Variants in ARHGEF28 observed in about 807,000 individuals in gnomAD.
ARHGEF28 encodes 190 kDa guanine nucleotide exchange factor.
ARHGEF28 carries 152 observed loss-of-function variants against 206.6 expected under a neutral mutation model. The ratio of observed to expected loss-of-function variants is 0.74; its 90% CI spans 0.64 to 0.84. The LOEUF is 0.84. ARHGEF28 is among the 40% of genes least tolerant of loss of function. The pLI is 0.00. For synonymous variants in ARHGEF28, 763 were observed against 776.4 expected (o/e 0.98, Z 0.29); for missense variants, 2,028 against 2,073.2 (o/e 0.98, Z 0.42).
At chr5:73,682,237 C>G (rs769607455) in intron 1 of ARHGEF28, among the ~76,000 whole-genome samples, 1 of 152,156 alleles carries the variant, frequency 6.6e-6, no homozygotes, top group Non-Finnish European at 1.5e-5. Flanking sequence ...TCACTCATCT[C>G]TCAAGATGTC....
At chr5:73,686,065 G>A (rs1747447562) in intron 2 of ARHGEF28, among the ~76,000 whole-genome samples, 1 of 152,128 alleles carries the variant, frequency 6.6e-6, no homozygotes, top group Admixed American at 6.5e-5. Flanking sequence ...GGAAGACAGA[G>A]TCATAAACCA....
intron 2 of ARHGEF28, among the ~76,000 whole-genome samples, chr5:73,741,381 GTGTGTATATATATATATATA>G (rs1281568197): frequency 4.3e-3 from 113 of 26,564 alleles, no homozygotes; most frequent in African/African-American, 7.9e-3. Context: ...GTGTGTGTGT[GTGTGTATATATATATATATA>G]TATATATATA....
rs116973243 is a variant in ARHGEF28, at chr5:73,628,207, G to A, written c.-12+1885G>A. Among the ~76,000 whole-genome samples the A allele has an allele frequency of 6.5e-4, 99 of 152,200 alleles. No individual in the cohort carries two copies. In the East Asian group the frequency reaches 0.014, roughly 22 times the overall value. On this transcript the variant is annotated intron_variant, in intron 1 of 35. Coordinates refer to ENST00000513042, the MANE Select transcript of ARHGEF28 (RefSeq NM_001177693.2). ...TAAATTGGGCAGGAATTTCAGGTGA[G>A]CTCTGATACATGACCTCCTTTAGTA... is the stretch of plus-strand genomic sequence containing the variant.
At chr5:73,795,027 A>G (rs976224495) in intron 8 of ARHGEF28, among the ~76,000 whole-genome samples, 4 of 152,228 alleles carry the variant, frequency 2.6e-5, no homozygotes, top group Admixed American at 6.5e-5. Context: ...TTCTACTTGA[A>G]GTTTGATGTT....
chr5:73,648,187 C>G (rs1744561297), intron 1 of ARHGEF28, among the ~76,000 whole-genome samples: 1 of 152,090 alleles, frequency 6.6e-6, no homozygotes, highest in Non-Finnish European at 1.5e-5. Context: ...TTCAGAGATG[C>G]TTTTGGTTGA....
chr5:73,649,309 A>G (rs1352685125), intron 1 of ARHGEF28, among the ~76,000 whole-genome samples: 1 of 152,196 alleles, frequency 6.6e-6, no homozygotes, highest in Admixed American at 6.5e-5. Context: ...GAAGGGGGAC[A>G]GGAGCCCTGG....
At chr5:73,889,229 C>A (rs1183789463) in intron 26 of ARHGEF28, among the ~76,000 whole-genome samples, 1 of 152,212 alleles carries the variant, frequency 6.6e-6, no homozygotes, top group Non-Finnish European at 1.5e-5. Context: ...ACTCCTTGTG[C>A]CCTTTAGAAA....
At chr5:73,674,967 T>C (rs987744276) in intron 1 of ARHGEF28, among the ~76,000 whole-genome samples, 2 of 152,178 alleles carry the variant, frequency 1.3e-5, no homozygotes, top group East Asian at 1.9e-4. Context: ...ATATCCTTTA[T>C]AATAAACCAG....
At chr5:73,837,479 T>G (rs1288173263) in intron 10 of ARHGEF28, among the ~76,000 whole-genome samples, 1 of 152,130 alleles carries the variant, frequency 6.6e-6, no homozygotes, top group South Asian at 2.1e-4. Context: ...AATAAAATAC[T>G]TCTTGAGCCC....
At chr5:73,789,032 G>T (rs1387654918) in intron 7 of ARHGEF28, among the ~76,000 whole-genome samples, 1 of 152,062 alleles carries the variant, frequency 6.6e-6, no homozygotes, top group Non-Finnish European at 1.5e-5. Flanking sequence ...TAAGAGTAAT[G>T]AAAACATGTA....
At chr5:73,873,280 C>G in intron 22 of ARHGEF28, 34 bp downstream of exon 22, 1 of 1,566,466 alleles carries the variant, frequency 6.4e-7, no homozygotes. Context: ...ACCTTTATGA[C>G]GTAAGTGGGA....
chr5:73,769,677 G>T (rs1341516377), intron 4 of ARHGEF28, among the ~76,000 whole-genome samples: 2 of 152,204 alleles, frequency 1.3e-5, no homozygotes, highest in African/African-American at 4.8e-5. Flanking sequence ...TGGAATTGTT[G>T]TGGACTGGAT....
chr5:73,771,791 A>G (rs1753242936), intron 4 of ARHGEF28, among the ~76,000 whole-genome samples: 2 of 152,362 alleles, frequency 1.3e-5, no homozygotes, highest in South Asian at 2.1e-4. Flanking sequence ...TCAAAGGAGT[A>G]TAATGGTCAA....
intron 2 of ARHGEF28, among the ~76,000 whole-genome samples, chr5:73,745,646 C>T (rs1005522642): frequency 6.6e-6 from 1 of 152,036 alleles, no homozygotes; most frequent in Non-Finnish European, 1.5e-5. Context: ...TTCTGCTCTA[C>T]ATTTGTGATT....
In ARHGEF28 at chr5:73,826,928, C is replaced by G. The variant is rs78614534; in HGVS notation, c.1025-5410C>G. On this transcript the variant is annotated intron_variant, in intron 9 of 35. Transcript: ENST00000513042. ...AATAGGAGAGAGGAGAGCTGGGGATCCCCTTGGAGTTGCTGTTTATCCTCC... is the reference window on the plus strand; with the variant it reads ...AATAGGAGAGAGGAGAGCTGGGGATGCCCTTGGAGTTGCTGTTTATCCTCC... Among the ~76,000 whole-genome samples, 355 of 152,302 alleles carry G rather than the reference C, an allele frequency of 2.3e-3. 3 individuals carry two copies. The highest frequency in any genetic ancestry group is 8.2e-3 in the African/African-American group (341 of 41,566).
At chr5:73,808,829 CCCTTCTTCTT>C (rs1048742166) in intron 9 of ARHGEF28, among the ~76,000 whole-genome samples, 9 of 152,074 alleles carry the variant, frequency 5.9e-5, no homozygotes, top group African/African-American at 2.2e-4. Flanking sequence ...TGAGCTCCTT[CCCTTCTTCTT>C]CCTCCTTCTT....
rs182815595 is a variant in ARHGEF28, at chr5:73,793,716, G to A, written c.911-686G>A. Among the ~76,000 whole-genome samples, 145 of 152,144 alleles carry A rather than the reference G, an allele frequency of 9.5e-4. 2 individuals carry two copies. The highest frequency in any genetic ancestry group is 3.1e-3 in the African/African-American group (128 of 41,488). ...TCTTGGTGGTTATTTCGACAATAGC[G>A]GCTCTTGTTTAAGGGCAACTGAGTA... On this transcript the variant is annotated intron_variant, in intron 7 of 35. Coordinates refer to ENST00000513042, the MANE Select transcript of ARHGEF28 (RefSeq NM_001177693.2).
intron 1 of ARHGEF28, among the ~76,000 whole-genome samples, chr5:73,633,685 T>C (rs547514515): frequency 6.7e-6 from 1 of 149,072 alleles, no homozygotes; most frequent in East Asian, 2.1e-4. Flanking sequence ...CAAGCAATTC[T>C]CCCGTCTCAG....
intron 2 of ARHGEF28, 132 bp downstream of exon 2, chr5:73,685,016 C>G: frequency 1.2e-6 from 1 of 814,358 alleles, no homozygotes; most frequent in Non-Finnish European, 1.8e-6. Flanking sequence ...CTGAGCGTTA[C>G]TGTCTAGTTC....
Sources: gnomAD v4.1 joint callset for allele counts (sites outside exome capture counted in the v4.1 genomes callset) on GRCh38, gnomAD v4.1.1 for gene constraint, MANE v1.5 for transcripts, NCBI Gene and HGNC (gene_info 2026-07-23, HGNC 2026-07-21) for gene names.